Variants in LNX1 observed in about 807,000 individuals in gnomAD.
LNX1 encodes the protein ligand of numb-protein X 1.
Under a neutral mutation model 68.4 loss-of-function variants are expected in LNX1, and 54 were observed. That is an observed-to-expected ratio of 0.79 (90% CI 0.63 to 0.99). The LOEUF is 0.99. LNX1 is among the 50% of genes least tolerant of loss of function. The pLI is 0.00. For synonymous variants in LNX1, 336 were observed against 350.0 expected (o/e 0.96, Z 0.45); for missense variants, 906 against 926.4 (o/e 0.98, Z 0.29).
chr4:53,605,433 G>A (rs1733189024), intron 2 of LNX1, among the ~76,000 whole-genome samples: 5 of 151,968 alleles, frequency 3.3e-5, no homozygotes, highest in Admixed American at 2.6e-4. Flanking sequence ...TGCGTGTATG[G>A]GGGTGGGGGG....
chr4:53,566,324 A>G (rs1461806447), intron 2 of LNX1, among the ~76,000 whole-genome samples: 1 of 151,766 alleles, frequency 6.6e-6, no homozygotes, highest in Non-Finnish European at 1.5e-5. Context: ...ACAAGCCAGA[A>G]GAGAGTGGGG....
rs1553928027 is a variant in LNX1 at position 53,460,865 on chromosome 4, C to CTATT, written c.*38_*41dup. On this transcript the variant is annotated 3_prime_UTR_variant, in exon 11 of 11. Coordinates refer to ENST00000263925, the MANE Select transcript of LNX1 (RefSeq NM_001126328.3). ...AAATATAGTGTTTCAACTTCTTAGC[C>CTATT]TATTTGTGATTTTTCTGTTTTCCTC... 19 of 1,553,248 alleles carry CTATT rather than the reference C, an allele frequency of 1.2e-5. No individual in the cohort carries two copies. In the African/African-American group the frequency reaches 2.5e-4, roughly 20 times the overall value.
intron 4 of LNX1, among the ~76,000 whole-genome samples, chr4:53,506,945 A>G (rs1725936570): frequency 6.6e-6 from 1 of 151,560 alleles, no homozygotes; most frequent in East Asian, 1.9e-4. Context: ...TAAAACACTC[A>G]GCACCACACC....
At chr4:53,498,567 C>T (rs1217284056) in intron 5 of LNX1, 74 bp downstream of exon 5, 9 of 1,012,190 alleles carry the variant, frequency 8.9e-6, no homozygotes, top group African/African-American at 1.6e-5. Context: ...ATCCATCCAT[C>T]TATCCAATTG....
At chr4:53,631,443 C>T (rs1734266196) in intron 1 of LNX1, among the ~76,000 whole-genome samples, 1 of 152,140 alleles carries the variant, frequency 6.6e-6, no homozygotes, top group South Asian at 2.1e-4. Context: ...GGAAATGTGA[C>T]CAAGTTGGCT....
At position 53,570,765 on chromosome 4, in the gene LNX1, C is replaced by T. The variant is rs891965518; in HGVS notation, c.380+2858G>A. ...TCTTTTGGCTGGGCGTGGTGGCTCACGCCTGTAATCCCAGCACTTTGGGAG... is the reference window on the plus strand; with the variant it reads ...TCTTTTGGCTGGGCGTGGTGGCTCATGCCTGTAATCCCAGCACTTTGGGAG... On this transcript the variant is annotated intron_variant, in intron 2 of 10. Transcript: ENST00000263925. Among the ~76,000 whole-genome samples, 22 of 151,672 alleles carry T rather than the reference C, an allele frequency of 1.5e-4. No homozygotes were observed. The Middle Eastern group carries it at 0.01, about 71-fold the overall frequency.
intron 2 of LNX1, among the ~76,000 whole-genome samples, chr4:53,599,790 G>A (rs759026722): frequency 3.3e-4 from 50 of 152,158 alleles, no homozygotes; most frequent in Non-Finnish European, 5.4e-4. Context: ...TATGTCACCC[G>A]AGAAAACCTA....
chr4:53,635,877 T>A (rs1171574079), intron 1 of LNX1, among the ~76,000 whole-genome samples: 1 of 152,212 alleles, frequency 6.6e-6, no homozygotes, highest in Non-Finnish European at 1.5e-5. Flanking sequence ...TTGTCCTAAC[T>A]GCAGCTGGGA....
intron 1 of LNX1, among the ~76,000 whole-genome samples, chr4:53,637,597 C>T (rs1734529009): frequency 6.6e-6 from 1 of 152,086 alleles, no homozygotes; most frequent in Admixed American, 6.6e-5. Context: ...TGTTTCATTA[C>T]TACAGAATTT....
chr4:53,518,412 C>T (rs542055457), intron 2 of LNX1, among the ~76,000 whole-genome samples: 22 of 152,202 alleles, frequency 1.4e-4, no homozygotes, highest in East Asian at 7.7e-4. Flanking sequence ...CCTTTAATGC[C>T]GATGTTTTTC....
chr4:53,625,004 G>A (rs1734020010), intron 1 of LNX1, among the ~76,000 whole-genome samples: 2 of 152,070 alleles, frequency 1.3e-5, no homozygotes. Flanking sequence ...AAATTCAATT[G>A]TTTTAAAAAG....
At chr4:53,641,681 A>ACT (rs1734686381) in intron 1 of LNX1, among the ~76,000 whole-genome samples, 2 of 151,882 alleles carry the variant, frequency 1.3e-5, no homozygotes, top group South Asian at 4.2e-4. Context: ...TCTCCCTCTC[A>ACT]CTCCCCATTC....
At chr4:53,619,114 G>C (rs1733778418), upstream of LNX1, among the ~76,000 whole-genome samples, 1 of 152,088 alleles carries the variant, frequency 6.6e-6, no homozygotes, top group Admixed American at 6.6e-5. Flanking sequence ...TTATCAGATA[G>C]TGTAACTCTA....
intron 9 of LNX1, among the ~76,000 whole-genome samples, chr4:53,471,650 A>G (rs934401996): frequency 2.0e-5 from 3 of 152,242 alleles, no homozygotes; most frequent in Non-Finnish European, 2.9e-5. Context: ...TACAAGAAAA[A>G]AAAACCCCAT....
intron 6 of LNX1, among the ~76,000 whole-genome samples, chr4:53,491,795 T>G (rs1228239830): frequency 2.4e-5 from 2 of 82,272 alleles, no homozygotes; most frequent in East Asian, 7.2e-4. Flanking sequence ...TACGATACTT[T>G]TTTTTGTTTG....
chr4:53,610,715 G>GAA (rs10553873), intron 2 of LNX1, among the ~76,000 whole-genome samples: 3,393 of 112,496 alleles, frequency 0.03, 186 homozygotes, highest in African/African-American at 0.11. Context: ...TCTCAAAGAG[G>GAA]AAAAAAAAAA....
At chr4:53,472,251 A>C (rs943776587) in intron 9 of LNX1, among the ~76,000 whole-genome samples, 1 of 151,942 alleles carries the variant, frequency 6.6e-6, no homozygotes, top group Admixed American at 6.6e-5. Flanking sequence ...AAAACCAAAT[A>C]CTGCATATTC....
At chr4:53,573,537 G>T in intron 2 of LNX1, 86 bp downstream of exon 2, 3 of 811,722 alleles carry the variant, frequency 3.7e-6, no homozygotes, top group Non-Finnish European at 3.9e-6. Flanking sequence ...TTCATTGGTT[G>T]GAAGCCCTCA....
At chr4:53,642,257 G>A (rs1430649348) in intron 1 of LNX1, among the ~76,000 whole-genome samples, 1 of 149,008 alleles carries the variant, frequency 6.7e-6, no homozygotes, top group Admixed American at 6.7e-5. Context: ...GTCAAAGCAG[G>A]CCCAGACCAT....
Sources: gnomAD v4.1 joint callset for allele counts (sites outside exome capture counted in the v4.1 genomes callset) on GRCh38, gnomAD v4.1.1 for gene constraint, MANE v1.5 for transcripts, NCBI Gene and HGNC (gene_info 2026-07-23, HGNC 2026-07-21) for gene names.